The following LMF1 variants were observed in gnomAD, a reference collection of about 807,000 sequenced individuals.
LMF1 encodes transmembrane protein 112.
LMF1 carries 68 observed loss-of-function variants against 60.6 expected under a neutral mutation model. The ratio of observed to expected loss-of-function variants is 1.12; its 90% CI spans 0.92 to 1.37. The LOEUF (loss-of-function observed/expected upper bound fraction) is 1.37, where lower values mean the gene tolerates loss of function less well. Ranked by LOEUF, LMF1 falls within the 40% of genes most tolerant of loss-of-function variation. The pLI is 0.00. For synonymous variants in LMF1, 418 were observed against 324.7 expected, an observed-to-expected ratio of 1.29 and a Z score of -3.09; for missense variants, 948 against 767.2, an observed-to-expected ratio of 1.24 and a Z score of -2.78.
In LMF1 at chr16:950,371, C is replaced by T. The variant is rs1312970095; in HGVS notation, c.503+3986G>A. On this transcript the variant is annotated intron_variant, in intron 2 of 10. Coordinates refer to ENST00000262301, the MANE Select transcript of LMF1 (RefSeq NM_022773.4). ...TCAGCCAACGACAGAGTCAGGCCAA[C>T]GACAGAGTCAGCCAATGACAGAGTC... Among the ~76,000 whole-genome samples the T allele has an allele frequency of 1.4e-3, 165 of 120,634 alleles. 1 individual carries two copies. The highest frequency in any genetic ancestry group is 2.0e-3 in the Non-Finnish European group (117 of 58,830). 79.1% of individuals were successfully genotyped at this position (120,634 alleles called of 152,430 possible).
At chr16:901,572 G>A (rs1407503423) in intron 4 of LMF1, 1 of 152,260 alleles carries the variant, frequency 6.6e-6, no homozygotes, top group Non-Finnish European at 1.5e-5. Flanking sequence ...ATCACGTCCT[G>A]AGTGAAAGAG....
rs564954053 is a variant in LMF1, at chr16:915,086, G to C, written c.515-4007C>G. Among the ~76,000 whole-genome samples, 5 of 152,348 alleles carry C rather than the reference G, an allele frequency of 3.3e-5. No homozygotes were observed. In the South Asian group the frequency reaches 1.0e-3, roughly 32 times the overall value. On this transcript the variant is annotated intron_variant, in intron 3 of 10. Transcript: ENST00000262301. ...TTCACCATCTCGTGCTCGCTTCCTA[G>C]ATGGCAGGGTCCTGGGCTACTTGTT...
chr16:857,508 TCGGGACGGGTGTGAGTGGTGTCA>T (rs1567132398), intron 10 of LMF1, among the ~76,000 whole-genome samples: 1 of 61,676 alleles, frequency 1.6e-5, no homozygotes, highest in African/African-American at 8.6e-5. Context: ...GAGTGGTGTC[TCGGGACGGGTGTGAGTGGTGTCA>T]CGGGACGGGT....
intron 2 of LMF1, among the ~76,000 whole-genome samples, chr16:940,157 G>A (rs951839009): frequency 2.6e-5 from 4 of 152,238 alleles, no homozygotes; most frequent in South Asian, 4.2e-4. Flanking sequence ...GCAGAGACTC[G>A]GAGGGAAGGG....
At chr16:938,683 C>A (rs529404049) in intron 2 of LMF1, among the ~76,000 whole-genome samples, 1 of 152,170 alleles carries the variant, frequency 6.6e-6, no homozygotes, top group Non-Finnish European at 1.5e-5. Flanking sequence ...AGCCAGGCAG[C>A]GCAGGGAGCA....
chr16:879,470 G>A (rs1249545920), intron 6 of LMF1, 100 bp downstream of exon 6: 3 of 1,381,038 alleles, frequency 2.2e-6, no homozygotes, highest in Non-Finnish European at 3.0e-6. Flanking sequence ...AAGGGGGCCT[G>A]TAATGCCCCA....
At chr16:858,958 G>C (rs868317721) in intron 10 of LMF1, among the ~76,000 whole-genome samples, 736 of 37,368 alleles carry the variant, frequency 0.02, 83 homozygotes, top group African/African-American at 0.086. Context: ...TCACGGGACG[G>C]GTGTGCAGTG....
At chr16:858,111 G>A (rs2069265985) in intron 10 of LMF1, among the ~76,000 whole-genome samples, 1 of 96,950 alleles carries the variant, frequency 1.0e-5, no homozygotes. Context: ...GTGGTGTCTC[G>A]GGATGGGTGT....
At chr16:869,424 T>C in intron 9 of LMF1, 2 of 556,484 alleles carry the variant, frequency 3.6e-6, no homozygotes, top group East Asian at 4.3e-5. Flanking sequence ...CCCCCAGCCC[T>C]GGGGATTCCT....
rs375221245 is a variant in LMF1, at chr16:868,961, C to T, written c.1512G>A (p.Ala504=). The T allele has an allele frequency of 3.1e-5, 50 of 1,611,004 alleles. No homozygotes were observed. The Middle Eastern group carries it at 5.3e-4, about 17-fold the overall frequency. Residue 504 remains alanine (A), a synonymous_variant, in exon 10 of 11, where the codon GCG becomes GCA. Transcript: ENST00000262301. ...ALSLLAHNPF[A]GRPPPRWVRG... is the part of the protein sequence containing the mutation. ...CATCCTACCTGGGCGGGGGCCTGCC[C>T]GCGAAGGGGTTGTGTGCCAGCAGGG... is the stretch of plus-strand genomic sequence containing the variant.
chr16:858,053 CAGTGGTGTCTCGGGATGGGTGTG>C (rs1306534149), intron 10 of LMF1, among the ~76,000 whole-genome samples: 46 of 63,428 alleles, frequency 7.3e-4, no homozygotes, highest in Non-Finnish European at 1.0e-3. Context: ...GATGGGTGTG[CAGTGGTGTCTCGGGATGGGTGTG>C]AGTGGTGTCT....
At chr16:898,843 G>C (rs1472252313) in intron 4 of LMF1, 1 of 152,162 alleles carries the variant, frequency 6.6e-6, no homozygotes, top group Non-Finnish European at 1.5e-5. Flanking sequence ...GCAGATTTTG[G>C]ACTTACTGTA....
intron 10 of LMF1, among the ~76,000 whole-genome samples, chr16:861,803 C>T (rs910604704): frequency 3.9e-5 from 6 of 152,182 alleles, no homozygotes; most frequent in African/African-American, 1.4e-4. Flanking sequence ...CAGTGCCCAG[C>T]GCTTCCAGCA....
intron 3 of LMF1, among the ~76,000 whole-genome samples, 194 bp from the exon 4 acceptor site, chr16:911,273 G>A (rs539268631): frequency 5.3e-5 from 8 of 152,244 alleles, no homozygotes; most frequent in African/African-American, 1.4e-4. Flanking sequence ...GAGCTCTGGC[G>A]TGGGACCCAG....
At chr16:857,369 G>T (rs1409575871) in intron 10 of LMF1, among the ~76,000 whole-genome samples, 1 of 152,240 alleles carries the variant, frequency 6.6e-6, no homozygotes, top group African/African-American at 2.4e-5. Context: ...CGATTTCTTG[G>T]TATCTTTGCC....
chr16:864,307 G>GTT, intron 10 of LMF1, among the ~76,000 whole-genome samples: 1 of 152,148 alleles, frequency 6.6e-6, no homozygotes. Flanking sequence ...TGCCTATACA[G>GTT]AGGGTCCCTA....
At chr16:918,826 C>T (rs1162698231) in intron 3 of LMF1, among the ~76,000 whole-genome samples, 2 of 151,760 alleles carry the variant, frequency 1.3e-5, no homozygotes, top group East Asian at 1.9e-4. Context: ...GACTCTCACG[C>T]GGGGCCGGCA....
At chr16:868,670 C>T (rs982513961) in intron 10 of LMF1, among the ~76,000 whole-genome samples, 4 of 151,868 alleles carry the variant, frequency 2.6e-5, no homozygotes, top group Admixed American at 2.6e-4. Context: ...CGGGGTCACC[C>T]TGCCCAGAGC....
intron 4 of LMF1, among the ~76,000 whole-genome samples, chr16:893,920 C>G (rs770160071): frequency 6.6e-6 from 1 of 152,052 alleles, no homozygotes; most frequent in African/African-American, 2.4e-5. Flanking sequence ...TGAGTCCCGC[C>G]TCCTCCATGA....
Sources: allele counts gnomAD v4.1 joint callset (sites outside exome capture counted in the v4.1 genomes callset), GRCh38; gene constraint gnomAD v4.1.1; transcripts MANE v1.5; gene names NCBI Gene and HGNC (gene_info 2026-07-23, HGNC 2026-07-21).